The following MAPRE1 variants were observed in gnomAD, a reference collection of about 807,000 sequenced individuals.
MAPRE1 encodes microtubule-associated protein RP/EB family member 1.
In MAPRE1, 5 loss-of-function variants were observed where a neutral mutation model predicts 32.1. The ratio of observed to expected loss-of-function variants is 0.16; its 90% CI spans 0.08 to 0.33. MAPRE1 has a LOEUF of 0.33. Ranked by LOEUF, MAPRE1 falls within the 10% of genes least tolerant of loss-of-function variation. The probability of loss-of-function intolerance (pLI) is 1.00; values close to 1 mark genes in which losing one functional copy is unlikely to be tolerated. For synonymous variants in MAPRE1, 122 were observed against 118.9 expected, an observed-to-expected ratio of 1.03 and a Z score of -0.17; for missense variants, 209 against 327.2, an observed-to-expected ratio of 0.64 and a Z score of 2.79.
At chr20:32,834,644 T>G (rs1275655725) in intron 3 of MAPRE1, among the ~76,000 whole-genome samples, 1 of 152,074 alleles carries the variant, frequency 6.6e-6, no homozygotes, top group Non-Finnish European at 1.5e-5. Context: ...TTAATTTTAG[T>G]TTTGTCTCTA....
intron 5 of MAPRE1, 39 bp downstream of exon 5, chr20:32,839,895 G>C (rs1206056447): frequency 6.2e-7 from 1 of 1,611,090 alleles, no homozygotes; most frequent in Admixed American, 1.7e-5. Context: ...TCACCTCGGG[G>C]GATAGGATCC....
In MAPRE1 at chr20:32,829,045, T is replaced by C. The variant is rs1374312261; in HGVS notation, c.121+2997T>C. ...AAGCGATTCTCCTGCCTCAGACTCC[T>C]GAGGAGCTGGGATTACAGGTGCGTG... On this transcript the variant is annotated intron_variant, in intron 2 of 6. Coordinates refer to ENST00000375571, the MANE Select transcript of MAPRE1 (RefSeq NM_012325.3). Among the ~76,000 whole-genome samples the C allele has an allele frequency of 2.0e-5, 3 of 151,780 alleles. No homozygotes were observed. In the East Asian group the frequency reaches 5.8e-4, roughly 29 times the overall value.
At chr20:32,825,455 G>C (rs548667100) in intron 1 of MAPRE1, among the ~76,000 whole-genome samples, 1 of 152,268 alleles carries the variant, frequency 6.6e-6, no homozygotes, top group Admixed American at 6.5e-5. Flanking sequence ...TGGAATCTTA[G>C]TGTCTCTCGT....
At chr20:32,838,351 C>G (rs1983258208) in intron 4 of MAPRE1, among the ~76,000 whole-genome samples, 1 of 152,112 alleles carries the variant, frequency 6.6e-6, no homozygotes, top group Non-Finnish European at 1.5e-5. Context: ...GAATAATATT[C>G]CATTGCATGC....
intron 6 of MAPRE1, among the ~76,000 whole-genome samples, chr20:32,847,696 TA>T (rs1983541584): frequency 6.6e-6 from 1 of 152,198 alleles, no homozygotes; most frequent in Admixed American, 6.5e-5. Flanking sequence ...ACATCTTAAG[TA>T]AGTTCAGCTA....
intron 2 of MAPRE1, among the ~76,000 whole-genome samples, chr20:32,828,942 T>G (rs1036093183): frequency 9.2e-5 from 14 of 152,150 alleles, no homozygotes; most frequent in African/African-American, 3.4e-4. Flanking sequence ...GTCAGTTGTT[T>G]TTTTTTTCTT....
intron 5 of MAPRE1, among the ~76,000 whole-genome samples, chr20:32,845,049 A>T (rs932971546): frequency 2.6e-5 from 4 of 151,626 alleles, no homozygotes; most frequent in African/African-American, 7.3e-5. Context: ...GAATGAATGA[A>T]TGATTGAATG....
intron 5 of MAPRE1, among the ~76,000 whole-genome samples, chr20:32,844,439 CTTTTTTTTTTTTT>C (rs71190880): frequency 0.037 from 1,948 of 52,158 alleles, 58 homozygotes; most frequent in African/African-American, 0.12. Context: ...GCTAGCATTC[CTTTTTTTTTTTTT>C]TTTTTTTTTT....
rs1054789692 is a variant in MAPRE1, at chr20:32,833,613, G to A, written c.122-104G>A. 4.9e-6 allele frequency: 5 copies of A among 1,014,220 alleles called. No homozygotes were observed. The Admixed American group carries it at 7.2e-5, about 15-fold the overall frequency. 62.8% of individuals were successfully genotyped at this position (1,014,220 alleles called of 1,614,324 possible). A position where few individuals can be genotyped will look rare whatever the true frequency, so the allele number is the denominator to read the frequency against. ...GTTAGTGAAGCTTTTGGTTTTTGTAGGTCTACTTCACAATTTTAAAAATTG... is the reference window on the plus strand; with the variant it reads ...GTTAGTGAAGCTTTTGGTTTTTGTAAGTCTACTTCACAATTTTAAAAATTG... On this transcript the variant is annotated intron_variant, in intron 2 of 6. Transcript: ENST00000375571.
rs7270085 is a variant in MAPRE1, at chr20:32,849,801, G to A, written c.*1073G>A. 8,833 of 152,616 alleles carry A rather than the reference G, an allele frequency of 0.058. 533 individuals are homozygous for A. Among genetic ancestry groups the A allele is most frequent in the African/African-American group, 0.16 (6,644 of 41,476 alleles). The allele number at this position is 152,616 out of a possible 1,614,324, so 9.5% of individuals were successfully genotyped here. ...TCGTTACCTTGGGATCTGCCAGGCT[G>A]GGGTGTTTTCGGTATCTGCTGTTCA... On this transcript the variant is annotated 3_prime_UTR_variant, in exon 7 of 7. Coordinates refer to ENST00000375571, the MANE Select transcript of MAPRE1 (RefSeq NM_012325.3).
At chr20:32,842,866 T>C (rs1983402525) in intron 5 of MAPRE1, among the ~76,000 whole-genome samples, 1 of 152,164 alleles carries the variant, frequency 6.6e-6, no homozygotes, top group Admixed American at 6.5e-5. Flanking sequence ...GGAGGCTTCC[T>C]TCCCTGAGAG....
chr20:32,828,022 G>C (rs546496110), intron 2 of MAPRE1, among the ~76,000 whole-genome samples: 1 of 148,998 alleles, frequency 6.7e-6, no homozygotes, highest in East Asian at 2.0e-4. Context: ...GACTTGTCTT[G>C]TTATTTCCTT....
chr20:32,826,759 T>G (rs976876428), intron 2 of MAPRE1, among the ~76,000 whole-genome samples: 15 of 151,834 alleles, frequency 9.9e-5, no homozygotes, highest in Admixed American at 9.8e-4. Flanking sequence ...TCAAATGATC[T>G]GCCTGCCTCA....
chr20:32,838,722 T>G (rs1983269202), intron 4 of MAPRE1, among the ~76,000 whole-genome samples: 1 of 152,224 alleles, frequency 6.6e-6, no homozygotes, highest in South Asian at 2.1e-4. Context: ...TTTCAGATGC[T>G]GCTACCAGTT....
rs757567678 is a variant in MAPRE1 at position 32,846,754 on chromosome 20, T to C, written c.734T>C (p.Ile245Thr). Residue 245 changes from isoleucine (I) to threonine (T), a missense_variant, in exon 6 of 7, where the codon ATT becomes ACT. By Grantham distance (89) the Ile-to-Thr change is moderately conservative. Coordinates refer to ENST00000375571, the MANE Select transcript of MAPRE1 (RefSeq NM_012325.3). The stretch of plus-strand genomic sequence containing the variant: ...CCTGTATTGCAGAGGATTGTAGACA[T>C]TCTGTATGCCACAGATGTATGTGTT... ...NDPVLQRIVD[I>T]LYATDEGFVI... The C allele has an allele frequency of 3.1e-6, 5 of 1,614,108 alleles. No individual in the cohort carries two copies. The South Asian group carries it at 5.5e-5, about 18-fold the overall frequency.
intron 2 of MAPRE1, among the ~76,000 whole-genome samples, 200 bp downstream of exon 2, chr20:32,826,248 G>A (rs576000159): frequency 4.6e-5 from 6 of 129,326 alleles, no homozygotes; most frequent in African/African-American, 6.3e-5. Flanking sequence ...ACAGAGTCTC[G>A]CTCTGTTGCC....
intron 3 of MAPRE1, among the ~76,000 whole-genome samples, chr20:32,834,959 A>G (rs1213000424): frequency 6.6e-6 from 1 of 152,248 alleles, no homozygotes; most frequent in Non-Finnish European, 1.5e-5. Flanking sequence ...TGAATGTTTC[A>G]GTATCAAGCA....
At chr20:32,840,683 A>G (rs960688972) in intron 5 of MAPRE1, among the ~76,000 whole-genome samples, 12 of 151,740 alleles carry the variant, frequency 7.9e-5, no homozygotes, top group Non-Finnish European at 1.6e-4. Context: ...GCATCCTTTT[A>G]CTTTTCTAAA....
chr20:32,839,956 G>C, intron 5 of MAPRE1, 100 bp downstream of exon 5: 1 of 1,524,748 alleles, frequency 6.6e-7, no homozygotes. Flanking sequence ...CACCTGCCTT[G>C]TTTGCTTGCC....
Sources: allele counts gnomAD v4.1 joint callset (sites outside exome capture counted in the v4.1 genomes callset), GRCh38; gene constraint gnomAD v4.1.1; transcripts MANE v1.5; gene names NCBI Gene and HGNC (gene_info 2026-07-23, HGNC 2026-07-21).